Variants in PAN3 observed in about 807,000 individuals in gnomAD.
PAN3 encodes PAN2-PAN3 deadenylation complex subunit PAN3.
In PAN3, 19 loss-of-function variants were observed where a neutral mutation model predicts 96.2. That is an observed-to-expected ratio of 0.20 (90% CI 0.14 to 0.29). The LOEUF is 0.29. Among genes scored for constraint, PAN3 ranks in the 10% least tolerant of loss-of-function variants. PAN3 has a pLI of 1.00. For synonymous variants in PAN3, 433 were observed against 406.6 expected, an observed-to-expected ratio of 1.06 and a Z score of -0.78; for missense variants, 882 against 1,108.1, an observed-to-expected ratio of 0.80 and a Z score of 2.90.
Position 28,261,394 on chromosome 13 carries a change from T to G in PAN3, c.1354-7T>G. ...TTAAATAAAAATATACTTATTTTGTTTCATAGGAGCTGATCAACAGACATT... is the reference window on the plus strand; with the variant it reads ...TTAAATAAAAATATACTTATTTTGTGTCATAGGAGCTGATCAACAGACATT... On this transcript the variant is annotated splice_polypyrimidine_tract_variant and splice_region_variant and intron_variant, in intron 8 of 18. Transcript: ENST00000380958. 2 of 1,587,882 alleles carry G rather than the reference T, an allele frequency of 1.3e-6. No individual in the cohort carries two copies. The highest frequency in any genetic ancestry group is 1.7e-6 in the Non-Finnish European group (2 of 1,163,958).
chr13:28,172,618 TC>T (rs1337437246), intron 1 of PAN3, among the ~76,000 whole-genome samples: 1 of 152,346 alleles, frequency 6.6e-6, no homozygotes, highest in East Asian at 1.9e-4. Flanking sequence ...CAATTTTAGT[TC>T]TGTTTTGCTG....
At chr13:28,186,038 G>A (rs1022479968) in intron 4 of PAN3, among the ~76,000 whole-genome samples, 15 of 152,142 alleles carry the variant, frequency 9.9e-5, no homozygotes, top group Admixed American at 7.9e-4. Context: ...AACCAAAACC[G>A]TGTGGTTTTC....
intron 14 of PAN3, among the ~76,000 whole-genome samples, chr13:28,273,088 T>C (rs1165528851): frequency 6.6e-6 from 1 of 152,214 alleles, no homozygotes; most frequent in African/African-American, 2.4e-5. Context: ...AATGTTTTCA[T>C]AGGTTTGTTA....
chr13:28,186,401 T>C (rs1310757840), intron 4 of PAN3, among the ~76,000 whole-genome samples: 1 of 152,204 alleles, frequency 6.6e-6, no homozygotes, highest in Non-Finnish European at 1.5e-5. Flanking sequence ...GACTTACTTT[T>C]ATCATCTGTA....
chr13:28,225,776 G>A (rs1237333052), intron 6 of PAN3, among the ~76,000 whole-genome samples: 2 of 152,110 alleles, frequency 1.3e-5, no homozygotes, highest in African/African-American at 2.4e-5. Flanking sequence ...CTATATGATA[G>A]TTCTTTTAGT....
At chr13:28,256,684 T>C (rs890592923) in intron 7 of PAN3, 145 bp downstream of exon 7, 37 of 880,662 alleles carry the variant, frequency 4.2e-5, no homozygotes, top group Non-Finnish European at 6.2e-5. Flanking sequence ...GTCTAGTCTC[T>C]TCTTCTCAAC....
chr13:28,236,930 A>G (rs1186902904), intron 6 of PAN3, among the ~76,000 whole-genome samples: 1 of 152,084 alleles, frequency 6.6e-6, no homozygotes, highest in East Asian at 1.9e-4. Flanking sequence ...ATCAGTGCAT[A>G]TTGGTTAAAT....
At chr13:28,271,007 G>T in intron 13 of PAN3, 141 bp downstream of exon 13, 2 of 911,860 alleles carry the variant, frequency 2.2e-6, no homozygotes, top group Non-Finnish European at 3.2e-6. Flanking sequence ...TCATTTGTAA[G>T]CTTTTTAAAG....
chr13:28,192,048 C>CT lies in PAN3; in HGVS notation c.691-5118dup, dbSNP rs58195419. Among the ~76,000 whole-genome samples the CT allele has an allele frequency of 7.5e-3, 920 of 123,146 alleles. 10 individuals are homozygous for CT. The highest frequency in any genetic ancestry group is 0.016 in the African/African-American group (503 of 32,104). 80.8% of individuals were successfully genotyped at this position (123,146 alleles called of 152,430 possible). A position where few individuals can be genotyped will look rare whatever the true frequency, so the allele number is the denominator to read the frequency against. ...CACTGTGCTTGGCACTAAAACAATA[C>CT]TTTTTTTTTTTTTTTTTTTGAGACT... is the stretch of plus-strand genomic sequence containing the variant. On this transcript the variant is annotated intron_variant, in intron 4 of 18. Coordinates refer to ENST00000380958, the MANE Select transcript of PAN3 (RefSeq NM_175854.8).
intron 3 of PAN3, 88 bp downstream of exon 3, chr13:28,176,647 A>G: frequency 7.8e-7 from 1 of 1,284,098 alleles, no homozygotes; most frequent in South Asian, 1.3e-5. Flanking sequence ...AAATTTTGAA[A>G]ATTGTAAACG....
chr13:28,287,963 T>G, intron 17 of PAN3, 21 bp from the exon 18 acceptor site: 1 of 1,600,174 alleles, frequency 6.2e-7, no homozygotes, highest in Non-Finnish European at 8.5e-7. Context: ...GTTACTGAGG[T>G]AAAATGTTCA....
intron 1 of PAN3, among the ~76,000 whole-genome samples, chr13:28,143,845 T>G (rs1384721707): frequency 6.6e-6 from 1 of 152,212 alleles, no homozygotes; most frequent in East Asian, 1.9e-4. Context: ...GAAGTTCAAA[T>G]GTTAGCTTTG....
intron 5 of PAN3, among the ~76,000 whole-genome samples, chr13:28,202,697 T>G (rs1207078612): frequency 6.6e-6 from 1 of 152,092 alleles, no homozygotes; most frequent in Non-Finnish European, 1.5e-5. Context: ...TAACTTACTT[T>G]ACTATTCCTA....
At chr13:28,237,458 C>A (rs796372563) in intron 6 of PAN3, among the ~76,000 whole-genome samples, 3 of 152,198 alleles carry the variant, frequency 2.0e-5, no homozygotes, top group African/African-American at 7.2e-5. Flanking sequence ...ACCAGAAGCA[C>A]CAAAACTTAA....
intron 16 of PAN3, 64 bp from the exon 17 acceptor site, chr13:28,281,251 T>G: frequency 7.5e-7 from 1 of 1,325,210 alleles, no homozygotes; most frequent in Non-Finnish European, 1.1e-6. Flanking sequence ...TTTTTGTAAA[T>G]TTTGGCTTTT....
chr13:28,266,687 C>T, intron 9 of PAN3, 28 bp from the exon 10 acceptor site: 2 of 1,494,610 alleles, frequency 1.3e-6, no homozygotes, highest in Non-Finnish European at 1.8e-6. Context: ...CCTGTATTTT[C>T]AAGTCATCTT....
chr13:28,270,929 CAA>C (rs1886570908), intron 13 of PAN3, 63 bp downstream of exon 13: 1 of 1,439,950 alleles, frequency 6.9e-7, no homozygotes, highest in African/African-American at 1.4e-5. Context: ...GCTTAGTAAA[CAA>C]AACATGATTG....
chr13:28,140,056 T>G (rs1034476180), intron 1 of PAN3, among the ~76,000 whole-genome samples: 2 of 152,194 alleles, frequency 1.3e-5, no homozygotes, highest in African/African-American at 4.8e-5. Flanking sequence ...CAAGCGATTC[T>G]GTTGCCTCTG....
At chr13:28,258,253 T>A (rs558084176) in intron 7 of PAN3, among the ~76,000 whole-genome samples, 16 of 152,280 alleles carry the variant, frequency 1.1e-4, no homozygotes, top group Non-Finnish European at 1.8e-4. Context: ...AGAGCAGTCA[T>A]GTTAGGGCAG....
Sources: gnomAD v4.1 joint callset for allele counts (sites outside exome capture counted in the v4.1 genomes callset) on GRCh38, gnomAD v4.1.1 for gene constraint, MANE v1.5 for transcripts, NCBI Gene and HGNC (gene_info 2026-07-23, HGNC 2026-07-21) for gene names.